PARVA: variants seen among roughly 807,000 people sequenced by gnomAD.
PARVA encodes the protein alpha-parvin.
Under a neutral mutation model 52.6 loss-of-function variants are expected in PARVA, and 25 were observed. That is an observed-to-expected ratio of 0.48 (90% CI 0.35 to 0.66). PARVA has a LOEUF of 0.66. Ranked by LOEUF, PARVA falls within the 30% of genes least tolerant of loss-of-function variation. The pLI, the probability that PARVA is intolerant of heterozygous loss-of-function variation, is 0.01. For synonymous variants in PARVA, 185 were observed against 179.1 expected (o/e 1.03, Z -0.26); for missense variants, 373 against 450.9 (o/e 0.83, Z 1.56).
Position 12,527,929 on chromosome 11 carries a change from G to C in PARVA, c.*4G>C. ...CAAGTACCGTAACGTGGAGTGAGGG[G>C]CTGCCCTGGGCCCACCACTGCCCAA... On this transcript the variant is annotated 3_prime_UTR_variant, in exon 13 of 13. Transcript: ENST00000334956. 1 of 1,607,082 alleles carries C rather than the reference G, an allele frequency of 6.2e-7. No homozygotes were observed. The highest frequency in any genetic ancestry group is 8.5e-7 in the Non-Finnish European group (1 of 1,174,856).
intron 1 of PARVA, among the ~76,000 whole-genome samples, chr11:12,438,516 A>G (rs1288445331): frequency 6.6e-6 from 1 of 152,202 alleles, no homozygotes; most frequent in Non-Finnish European, 1.5e-5. Context: ...CTGAGCCTTC[A>G]TGGCCTACTC....
At position 12,529,421 on chromosome 11, in the gene PARVA, C is replaced by G. The variant is rs375560870; in HGVS notation, c.*1496C>G. Reference sequence around the variant, plus strand: ...TAGAGGTGGGGCTTGTGGTACTTAACACTTGTAGCCATCAACTGACTGAGA... The same window carrying G: ...TAGAGGTGGGGCTTGTGGTACTTAAGACTTGTAGCCATCAACTGACTGAGA... On this transcript the variant is annotated 3_prime_UTR_variant, in exon 13 of 13. Transcript: ENST00000334956. 6.6e-5 allele frequency: 10 copies of G among 152,186 alleles called. No individual in the cohort carries two copies. In the East Asian group the frequency reaches 7.7e-4, roughly 12 times the overall value. 9.4% of individuals were successfully genotyped at this position (152,186 alleles called of 1,614,324 possible). A position where few individuals can be genotyped will look rare whatever the true frequency, so the allele number is the denominator to read the frequency against.
At chr11:12,387,814 T>C (rs1939601236) in intron 1 of PARVA, among the ~76,000 whole-genome samples, 1 of 151,932 alleles carries the variant, frequency 6.6e-6, no homozygotes, top group African/African-American at 2.4e-5. Context: ...GCCGGTTGAC[T>C]TCTTTGTTTT....
chr11:12,426,758 C>T (rs1007595567), intron 1 of PARVA, among the ~76,000 whole-genome samples: 1 of 152,052 alleles, frequency 6.6e-6, no homozygotes, highest in African/African-American at 2.4e-5. Context: ...TGCCCGCTGC[C>T]TGACCACCAC....
intron 1 of PARVA, among the ~76,000 whole-genome samples, chr11:12,394,196 G>C (rs1011850874): frequency 2.6e-5 from 4 of 152,104 alleles, no homozygotes; most frequent in Non-Finnish European, 4.4e-5. Flanking sequence ...TTAGTAAGAG[G>C]TATCACTGGG....
At chr11:12,478,463 G>T (rs910499052) in intron 4 of PARVA, 4 of 225,060 alleles carry the variant, frequency 1.8e-5, no homozygotes, top group Non-Finnish European at 3.6e-5. Context: ...GAGAATTCAG[G>T]GGTAATCTTA....
rs113349063 is a variant in PARVA at position 12,474,730 on chromosome 11, C to G, written c.297+747C>G. On this transcript the variant is annotated intron_variant, in intron 3 of 12. Coordinates refer to ENST00000334956, the MANE Select transcript of PARVA (RefSeq NM_018222.5). Reference sequence around the variant, plus strand: ...TTGAAGCCTGGGCAACAGGGTGAAACACCATCTCTACTAAAAATACAAAAA... The same window carrying G: ...TTGAAGCCTGGGCAACAGGGTGAAAGACCATCTCTACTAAAAATACAAAAA... Among the ~76,000 whole-genome samples the G allele has an allele frequency of 2.7e-3, 411 of 152,158 alleles. 3 individuals are homozygous for G. Among genetic ancestry groups the G allele is most frequent in the African/African-American group, 9.4e-3 (392 of 41,518 alleles).
At chr11:12,512,159 C>T (rs1184980302) in intron 8 of PARVA, among the ~76,000 whole-genome samples, 2 of 152,126 alleles carry the variant, frequency 1.3e-5, no homozygotes, top group South Asian at 2.1e-4. Context: ...TTAGCTTGCC[C>T]GAGGTGTCTG....
chr11:12,464,909 C>T (rs574737981), intron 1 of PARVA, among the ~76,000 whole-genome samples: 5 of 152,202 alleles, frequency 3.3e-5, no homozygotes, highest in South Asian at 2.1e-4. Flanking sequence ...GGGGTTGGGT[C>T]GGGGTTAGTT....
At position 12,534,627 on chromosome 11, in the gene PARVA, A is replaced by C. The variant is rs1448113518; in HGVS notation, c.*6702A>C. Among the ~76,000 whole-genome samples, 1 of 152,232 alleles carries C rather than the reference A, an allele frequency of 6.6e-6. No individual in the cohort carries two copies. On this transcript the variant is annotated 3_prime_UTR_variant, in exon 13 of 13. Transcript: ENST00000334956. ...ACAGGCTGTCATTCCAAGACACACA[A>C]ATGTCATTAAGGCAACCGCTTAAAG... is the stretch of plus-strand genomic sequence containing the variant.
At chr11:12,469,788 T>G (rs1026502647) in intron 1 of PARVA, among the ~76,000 whole-genome samples, 2 of 152,248 alleles carry the variant, frequency 1.3e-5, no homozygotes, top group African/African-American at 4.8e-5. Context: ...GGATTTGTTA[T>G]GTCTCTGTGA....
chr11:12,396,451 C>G (rs2134960054), intron 1 of PARVA, among the ~76,000 whole-genome samples: 1 of 152,312 alleles, frequency 6.6e-6, no homozygotes, highest in African/African-American at 2.4e-5. Flanking sequence ...AAGCAAAGTG[C>G]CTGGTCCTAG....
intron 1 of PARVA, among the ~76,000 whole-genome samples, chr11:12,381,517 T>C (rs748595644): frequency 1.3e-5 from 2 of 152,326 alleles, no homozygotes; most frequent in Non-Finnish European, 2.9e-5. Context: ...TAGAATATAG[T>C]TGACCCTTGA....
At chr11:12,387,339 G>A (rs1460370501) in intron 1 of PARVA, among the ~76,000 whole-genome samples, 4 of 152,152 alleles carry the variant, frequency 2.6e-5, no homozygotes, top group African/African-American at 9.7e-5. Flanking sequence ...TTTTTCTGCA[G>A]ATGCCATGAG....
intron 3 of PARVA, among the ~76,000 whole-genome samples, chr11:12,476,905 C>T (rs779339305): frequency 7.2e-5 from 11 of 152,136 alleles, no homozygotes; most frequent in Non-Finnish European, 1.3e-4. Flanking sequence ...ACACAAAGGA[C>T]GATGTCCACT....
intron 1 of PARVA, among the ~76,000 whole-genome samples, chr11:12,439,693 T>C (rs1189492663): frequency 6.6e-6 from 1 of 152,198 alleles, no homozygotes; most frequent in Non-Finnish European, 1.5e-5. Flanking sequence ...TGGCCCATGC[T>C]GCTCCTCCCA....
intron 5 of PARVA, among the ~76,000 whole-genome samples, chr11:12,503,144 G>C (rs1340426543): frequency 6.6e-6 from 1 of 152,082 alleles, no homozygotes; most frequent in Admixed American, 6.6e-5. Context: ...GTAACATCCC[G>C]TCCCAGCTGC....
At chr11:12,451,404 C>T (rs1216873592) in intron 1 of PARVA, among the ~76,000 whole-genome samples, 1 of 151,766 alleles carries the variant, frequency 6.6e-6, no homozygotes, top group East Asian at 1.9e-4. Flanking sequence ...ACTCACGTCC[C>T]TACCTAATGA....
intron 12 of PARVA, among the ~76,000 whole-genome samples, chr11:12,520,614 G>C (rs1941624245): frequency 6.6e-6 from 1 of 152,190 alleles, no homozygotes; most frequent in African/African-American, 2.4e-5. Context: ...GCCTGAGTTA[G>C]TGTAAGCCAA....
Sources: allele counts gnomAD v4.1 joint callset (sites outside exome capture counted in the v4.1 genomes callset), GRCh38; gene constraint gnomAD v4.1.1; transcripts MANE v1.5; gene names NCBI Gene and HGNC (gene_info 2026-07-23, HGNC 2026-07-21).